Variants in PACRGL observed in about 807,000 individuals in gnomAD.
PACRGL encodes the protein parkin coregulated like, also known as PACRG-like protein.
Under a neutral mutation model 34.5 loss-of-function variants are expected in PACRGL, and 38 were observed. The ratio of observed to expected loss-of-function variants is 1.10; its 90% confidence interval spans 0.85 to 1.44. The LOEUF (loss-of-function observed/expected upper bound fraction) is 1.44, where lower values mean the gene tolerates loss of function less well. Among genes scored for constraint, PACRGL ranks in the 40% most tolerant of loss-of-function variants. The pLI, the probability that PACRGL is intolerant of heterozygous loss-of-function variation, is 0.00. For missense variants in PACRGL, 305 were observed against 281.4 expected (o/e 1.08, Z -0.60); for synonymous variants, 128 against 100.1 (o/e 1.28, Z -1.66).
intron 8 of PACRGL, among the ~76,000 whole-genome samples, chr4:20,739,909 G>A (rs572730394): frequency 2.8e-4 from 43 of 152,254 alleles, no homozygotes; most frequent in Middle Eastern, 3.4e-3. Context: ...ATGACCTGAC[G>A]GAGCTGAAAA....
At chr4:20,703,432 G>A (rs1371048911) in intron 1 of PACRGL, among the ~76,000 whole-genome samples, 2 of 151,880 alleles carry the variant, frequency 1.3e-5, no homozygotes, top group Non-Finnish European at 2.9e-5. Flanking sequence ...TGGAAGTTGG[G>A]AATGAAGCTT....
downstream of PACRGL, among the ~76,000 whole-genome samples, chr4:20,736,612 G>A (rs141934205): frequency 1.3e-4 from 20 of 151,760 alleles, no homozygotes; most frequent in African/African-American, 4.4e-4. Flanking sequence ...AATATATATA[G>A]AACAGTGTTA....
In PACRGL at chr4:20,730,615, A is replaced by C. The variant is rs1001817472; in HGVS notation, c.*3274A>C. On this transcript the variant is annotated 3_prime_UTR_variant, in exon 9 of 9. Transcript: ENST00000503585. ...GTGGATTAAGAGGTAACATGTTTGC[A>C]GTAATCATCTCTCTTTCTGTCTGCT... is the stretch of plus-strand genomic sequence containing the variant. Among the ~76,000 whole-genome samples the C allele has an allele frequency of 2.0e-5, 3 of 152,140 alleles. No individual in the cohort carries two copies. Among genetic ancestry groups the C allele is most frequent in the Admixed American group, 2.0e-4 (3 of 15,276 alleles).
upstream of PACRGL, among the ~76,000 whole-genome samples, chr4:20,697,895 C>T (rs976815802): frequency 8.5e-5 from 13 of 152,124 alleles, no homozygotes; most frequent in African/African-American, 2.2e-4. Context: ...ATGACTTCAT[C>T]GCCACCCAAA....
At chr4:20,747,673 C>T (rs765192833) in intron 8 of PACRGL, among the ~76,000 whole-genome samples, 14 of 152,120 alleles carry the variant, frequency 9.2e-5, no homozygotes, top group African/African-American at 1.2e-4. Context: ...TTTTTCTCTT[C>T]TCAGTGCTAT....
intron 1 of PACRGL, chr4:20,702,110 T>C (rs750927420): frequency 1.8e-5 from 8 of 453,616 alleles, no homozygotes; most frequent in Non-Finnish European, 3.1e-5. Flanking sequence ...TTTGAACTCA[T>C]TCAAAATATA....
intron 7 of PACRGL, among the ~76,000 whole-genome samples, chr4:20,715,306 G>T (rs1166933376): frequency 6.6e-6 from 1 of 152,026 alleles, no homozygotes; most frequent in African/African-American, 2.4e-5. Flanking sequence ...ATAGCATTAG[G>T]AGATATACCT....
At position 20,730,136 on chromosome 4, in the gene PACRGL, G is replaced by A; in HGVS notation, c.*2795G>A. 2 of 1,604,624 alleles carry A rather than the reference G, an allele frequency of 1.2e-6. No homozygotes were observed. Among genetic ancestry groups the A allele is most frequent in the Non-Finnish European group, 1.7e-6 (2 of 1,176,474 alleles). On this transcript the variant is annotated 3_prime_UTR_variant, in exon 9 of 9. Coordinates refer to ENST00000503585, the MANE Select transcript of PACRGL (RefSeq NM_001258345.3). ...AGCGCATTATGTTTTCATCCTGTAA[G>A]GGAGAAACACAGAGCGATTAAATTC...
chr4:20,743,479 A>G (rs1490395135), intron 8 of PACRGL, among the ~76,000 whole-genome samples: 2 of 152,182 alleles, frequency 1.3e-5, no homozygotes, highest in African/African-American at 4.8e-5. Context: ...ATCTACAACC[A>G]TCTGATCTTT....
chr4:20,714,797 GAAAT>G (rs1739022350), intron 7 of PACRGL, among the ~76,000 whole-genome samples: 1 of 152,270 alleles, frequency 6.6e-6, no homozygotes, highest in Non-Finnish European at 1.5e-5. Context: ...AGGATGTGGA[GAAAT>G]AGGAACACTT....
At chr4:20,718,998 C>G (rs999727725) in intron 7 of PACRGL, 9 of 152,162 alleles carry the variant, frequency 5.9e-5, no homozygotes, top group Admixed American at 3.3e-4. Context: ...ACTATTGCCT[C>G]AATTTCCGAG....
chr4:20,755,255 ATTTGT>A (rs778848934), downstream of PACRGL, among the ~76,000 whole-genome samples: 46 of 152,316 alleles, frequency 3.0e-4, no homozygotes, highest in Middle Eastern at 6.8e-3. Context: ...GAAAACAAAA[ATTTGT>A]TTTGACATGT....
At chr4:20,722,343 G>C (rs868695481) in intron 7 of PACRGL, among the ~76,000 whole-genome samples, 1 of 152,192 alleles carries the variant, frequency 6.6e-6, no homozygotes, top group Admixed American at 6.5e-5. Context: ...TGCACCCACT[G>C]TCCAACAAGC....
At chr4:20,725,510 A>C (rs550973363) in intron 8 of PACRGL, among the ~76,000 whole-genome samples, 2 of 152,318 alleles carry the variant, frequency 1.3e-5, no homozygotes, top group East Asian at 3.9e-4. Flanking sequence ...CATTTGAAAG[A>C]AGCATTCAGA....
At position 20,740,965 on chromosome 4, in the gene PACRGL, C is replaced by G. The variant is rs373076087; in HGVS notation, c.*57-11600C>G. On this transcript the variant is annotated intron_variant, in intron 8 of 8. Transcript: ENST00000507634. ...GACATTAAACCAACAAAGATCAAAA[C>G]AGACAAAGAAGGCTATTACATAATG... 2.3e-3 allele frequency among the ~76,000 whole-genome samples: 355 copies of G among 152,134 alleles called. 8 individuals carry two copies. In the South Asian group the frequency reaches 0.047, roughly 20 times the overall value.
intron 8 of PACRGL, among the ~76,000 whole-genome samples, chr4:20,746,523 A>T (rs949034379): frequency 7.4e-5 from 11 of 148,636 alleles, no homozygotes; most frequent in East Asian, 4.0e-4. Context: ...AAGTATAATT[A>T]AAAAAAAAAT....
downstream of PACRGL, chr4:20,732,926 G>T (rs1748691890): frequency 3.4e-6 from 2 of 581,886 alleles, no homozygotes; most frequent in East Asian, 2.9e-5. Context: ...ACTGTTGGTT[G>T]TCCCAAAGGA....
At chr4:20,716,933 G>C (rs984953610) in intron 7 of PACRGL, among the ~76,000 whole-genome samples, 2 of 152,136 alleles carry the variant, frequency 1.3e-5, no homozygotes, top group Non-Finnish European at 2.9e-5. Flanking sequence ...TGGTTGAACT[G>C]GTTTACAGTC....
rs775117755 is a variant in PACRGL, at chr4:20,704,542, C to CTT, written c.52+12_52+13dup. 10 of 1,613,492 alleles carry CTT rather than the reference C, an allele frequency of 6.2e-6. No individual in the cohort carries two copies. The Admixed American group carries it at 1.7e-4, about 27-fold the overall frequency. On this transcript the variant is annotated intron_variant, in intron 2 of 8. Transcript: ENST00000503585. ...GAAAAACAGAGCAACAGGTACAGAG[C>CTT]TTTTGTTTTTAAGTGAAGAGGTCAA...
Sources: gnomAD v4.1 joint callset for allele counts (sites outside exome capture counted in the v4.1 genomes callset) on GRCh38, gnomAD v4.1.1 for gene constraint, MANE v1.5 for transcripts, NCBI Gene and HGNC (gene_info 2026-07-23, HGNC 2026-07-21) for gene names.